Variants in RAB44 observed in about 807,000 individuals in gnomAD.
RAB44 encodes the protein ras-related protein Rab-44.
RAB44 carries 67 observed loss-of-function variants against 93.3 expected under a neutral mutation model. That is an observed-to-expected ratio of 0.72 (90% CI 0.59 to 0.88). RAB44 has a LOEUF of 0.88. Among genes scored for constraint, RAB44 ranks in the 40% least tolerant of loss-of-function variants. RAB44 has a pLI of 0.00. For synonymous variants in RAB44, 427 were observed against 520.3 expected, an observed-to-expected ratio of 0.82 and a Z score of 2.44; for missense variants, 1,064 against 1,261.7, an observed-to-expected ratio of 0.84 and a Z score of 2.37.
intron 2 of RAB44, among the ~76,000 whole-genome samples, chr6:36,711,009 G>C (rs996987141): frequency 6.6e-6 from 1 of 152,084 alleles, no homozygotes; most frequent in African/African-American, 2.4e-5. Flanking sequence ...AAAATAAGAA[G>C]TAAAAAATAT....
rs547526564 is a variant in RAB44, at chr6:36,715,671, T to C, written c.494+18T>C. The C allele has an allele frequency of 3.9e-5, 60 of 1,534,992 alleles. No homozygotes were observed. The African/African-American group carries it at 6.4e-4, about 16-fold the overall frequency. On this transcript the variant is annotated intron_variant, in intron 4 of 13. Coordinates refer to ENST00000612677, the MANE Select transcript of RAB44 (RefSeq NM_001257357.2). ...CTTCCCAAGTAAGGCCAGGGCGGCATGTGCATGGGGAGAGGCTCTGCCAGC... is the reference window on the plus strand; with the variant it reads ...CTTCCCAAGTAAGGCCAGGGCGGCACGTGCATGGGGAGAGGCTCTGCCAGC...
intron 6 of RAB44, 52 bp from the exon 7 acceptor site, chr6:36,718,441 T>C: frequency 1.0e-6 from 1 of 998,760 alleles, no homozygotes; most frequent in Non-Finnish European, 1.3e-6. Flanking sequence ...CTGGCCTGCC[T>C]GGCTAGCTCT....
intron 7 of RAB44, 135 bp from the exon 8 acceptor site, chr6:36,720,228 C>A (rs1397984897): frequency 1.5e-6 from 1 of 666,998 alleles, no homozygotes; most frequent in Non-Finnish European, 2.1e-6. Context: ...AACCGCCCAC[C>A]ACTACTCTGA....
intron 9 of RAB44, among the ~76,000 whole-genome samples, chr6:36,724,140 T>TTTA (rs1266579796): frequency 1.8e-5 from 1 of 55,426 alleles, no homozygotes; most frequent in African/African-American, 1.8e-4. Context: ...ATTATTTTAT[T>TTTA]TTATTTATTT....
chr6:36,704,526 G>C (rs1762595720), intron 2 of RAB44, 84 bp downstream of exon 2: 1 of 1,294,682 alleles, frequency 7.7e-7, no homozygotes. Flanking sequence ...GGAAGGCAGG[G>C]CTTGCTACCC....
chr6:36,726,867 C>A (rs373793633), intron 10 of RAB44, among the ~76,000 whole-genome samples: 5 of 149,208 alleles, frequency 3.4e-5, no homozygotes, highest in East Asian at 2.0e-4. Flanking sequence ...GTGGTGTGAT[C>A]TCAGCTCACT....
In RAB44 at chr6:36,728,933, C is replaced by G. The variant is rs990452180; in HGVS notation, c.2898+132C>G. ...GGCCCATTCCTGCCCCTGCCCCAAC[C>G]AAAGGCCTGTTCAGAGTGGACAGCA... is the stretch of plus-strand genomic sequence containing the variant. On this transcript the variant is annotated intron_variant, in intron 12 of 13. Transcript: ENST00000612677. 1.5e-5 allele frequency: 11 copies of G among 726,586 alleles called. No individual in the cohort carries two copies. In the African/African-American group the frequency reaches 1.9e-4, roughly 13 times the overall value. 45.0% of individuals were successfully genotyped at this position (726,586 alleles called of 1,614,324 possible).
chr6:36,712,516 C>T (rs978367107), intron 2 of RAB44, among the ~76,000 whole-genome samples: 1 of 152,168 alleles, frequency 6.6e-6, no homozygotes, highest in Non-Finnish European at 1.5e-5. Flanking sequence ...AGGCGCCCAC[C>T]ACAATGCCCG....
Position 36,717,426 on chromosome 6 carries a change from G to A in RAB44, c.641+7G>A, listed in dbSNP as rs542575300. The A allele has an allele frequency of 8.1e-7, 1 of 1,231,986 alleles. No homozygotes were observed. The highest frequency in any genetic ancestry group is 1.0e-6 in the Non-Finnish European group (1 of 987,940). 76.3% of individuals were successfully genotyped at this position (1,231,986 alleles called of 1,614,324 possible). On this transcript the variant is annotated splice_region_variant and intron_variant, in intron 5 of 13. Transcript: ENST00000612677. The surrounding 1 kb of genome is among the most constrained non-coding windows in gnomAD (Gnocchi z 4.1). ...TGGAGCTGACCCTGAGGAAGTGAGT[G>A]GGGGGCCTGGCCGGGTGTCTGATAC...
Position 36,721,902 on chromosome 6 carries a change from C to T in RAB44, c.1768C>T (p.Gln590Ter), listed in dbSNP as rs566132086. Residue 590 changes from glutamine (Q) to a stop codon, truncating the protein, a stop_gained, in exon 9 of 14, where the codon CAG (glutamine) becomes TAG (stop). Coordinates refer to ENST00000612677, the MANE Select transcript of RAB44 (RefSeq NM_001257357.2). LOFTEE classifies it high-confidence loss of function. The part of the protein sequence containing the change: ...AKPPRQRDAL[Q>*]QDLHATGSEP... Reference sequence around the variant, plus strand: ...GCCGCCCAGGCAGAGAGATGCCCTCCAGCAGGACCTGCATGCCACTGGCTC... The same window carrying T: ...GCCGCCCAGGCAGAGAGATGCCCTCTAGCAGGACCTGCATGCCACTGGCTC... 1.6e-6 allele frequency: 2 copies of T among 1,234,886 alleles called. No homozygotes were observed. Among genetic ancestry groups the T allele is most frequent in the Admixed American group, 4.2e-5 (1 of 23,718 alleles). 76.5% of individuals were successfully genotyped at this position (1,234,886 alleles called of 1,614,324 possible).
chr6:36,710,240 A>G (rs7774093), intron 2 of RAB44, among the ~76,000 whole-genome samples: 12,722 of 152,144 alleles, frequency 0.084, 1,439 homozygotes, highest in African/African-American at 0.26. Context: ...TCCCTAGTCT[A>G]CTTTCTGTCT....
In RAB44 at chr6:36,720,507, G is replaced by GC; in HGVS notation, c.975dup (p.Ala326ArgfsTer20). The GC allele has an allele frequency of 8.1e-7, 1 of 1,233,526 alleles. No homozygotes were observed. The highest frequency in any genetic ancestry group is 1.0e-6 in the Non-Finnish European group (1 of 988,226). The allele number at this position is 1,233,526 out of a possible 1,614,324, so 76.4% of individuals were successfully genotyped here. A position where few individuals can be genotyped will look rare whatever the true frequency, so the allele number is the denominator to read the frequency against. On this transcript the variant is annotated frameshift_variant, in exon 8 of 14. Coordinates refer to ENST00000612677, the MANE Select transcript of RAB44 (RefSeq NM_001257357.2). LOFTEE classifies it high-confidence loss of function. ...GCAGGTGACCAGGGGGCGCCTGGAC[G>GC]CCGCCAGGGGCCGGGTGTCCTGGCA...
chr6:36,717,411 C>A lies in RAB44; in HGVS notation c.633C>A (p.Thr211=). 1 of 1,232,196 alleles carries A rather than the reference C, an allele frequency of 8.1e-7. No individual in the cohort carries two copies. The allele number at this position is 1,232,196 out of a possible 1,614,324, so 76.3% of individuals were successfully genotyped here. ...AQADKEALEL[T]LRKRDSDHHR... Reference sequence around the variant, plus strand: ...CGGACAAGGAGGCCCTGGAGCTGACCCTGAGGAAGTGAGTGGGGGGCCTGG... The same window carrying A: ...CGGACAAGGAGGCCCTGGAGCTGACACTGAGGAAGTGAGTGGGGGGCCTGG... The change falls in exon 5 of 14, where the codon ACC becomes ACA. Residue 211 remains threonine, a synonymous_variant. Transcript: ENST00000612677. This position sits in a 1 kb window ranked among gnomAD's most constrained non-coding sequence, Gnocchi z 4.1.
rs531111829 is a variant in RAB44 at position 36,727,702 on chromosome 6, G to A, written c.2796+11G>A. 381 of 1,534,320 alleles carry A rather than the reference G, an allele frequency of 2.5e-4. No individual in the cohort carries two copies. Among genetic ancestry groups the A allele is most frequent in the Non-Finnish European group, 3.1e-4 (355 of 1,132,338 alleles). On this transcript the variant is annotated intron_variant, in intron 11 of 13. Transcript: ENST00000612677. ...CTAGACTGTCTCCAGGTGAGCAGAT[G>A]GCTGCTGGGGTTGGCCCCAGTCCCT...
intron 2 of RAB44, among the ~76,000 whole-genome samples, chr6:36,708,065 A>G (rs947815493): frequency 2.0e-5 from 3 of 152,134 alleles, no homozygotes; most frequent in Non-Finnish European, 4.4e-5. Flanking sequence ...TTAAAAAATT[A>G]GCCAGGTGTG....
At position 36,722,582 on chromosome 6, in the gene RAB44, C is replaced by T. The variant is rs1361600418; in HGVS notation, c.2448C>T (p.Ser816=). ...MDSREAGLTP[S]PGDPMAGGGP... is the part of the protein sequence containing the mutation. ...CCAGGGAAGCTGGGCTGACCCCATC[C>T]CCGGGAGACCCCATGGCTGGAGGGG... Residue 816 remains serine, a synonymous_variant, in exon 9 of 14, where the codon TCC becomes TCT. Coordinates refer to ENST00000612677, the MANE Select transcript of RAB44 (RefSeq NM_001257357.2). 6.5e-6 allele frequency: 10 copies of T among 1,550,286 alleles called. No homozygotes were observed. The highest frequency in any genetic ancestry group is 1.7e-4 in the Middle Eastern group (1 of 6,014).
At chr6:36,713,714 T>G (rs1582623441) in intron 2 of RAB44, 114 bp from the exon 3 acceptor site, 1 of 691,642 alleles carries the variant, frequency 1.4e-6, no homozygotes, top group African/African-American at 1.7e-5. Context: ...CTGGAGGGAC[T>G]CTGACATTGG....
intron 9 of RAB44, among the ~76,000 whole-genome samples, chr6:36,725,164 A>C (rs575366248): frequency 6.6e-6 from 1 of 151,822 alleles, no homozygotes; most frequent in African/African-American, 2.4e-5. Flanking sequence ...TCTCTGGGTC[A>C]CTTAAAACAG....
At position 36,721,516 on chromosome 6, in the gene RAB44, T is replaced by C. The variant is rs1763079146; in HGVS notation, c.1382T>C (p.Val461Ala). 1 of 1,234,394 alleles carries C rather than the reference T, an allele frequency of 8.1e-7. No homozygotes were observed. The highest frequency in any genetic ancestry group is 1.0e-6 in the Non-Finnish European group (1 of 988,330). 76.5% of individuals were successfully genotyped at this position (1,234,394 alleles called of 1,614,324 possible). ...CAGGACATTAGAGCAGAGCAGCCTG[T>C]TGAACCGCACGACCCGGACCCCAAC... ...HEQDIRAEQP[V>A]EPHDPDPNQE... The change falls in exon 9 of 14, where the codon GTT (valine) becomes GCT (alanine). Residue 461 changes from valine (V) to alanine (A), a missense_variant. By Grantham distance (64) the Val-to-Ala change is moderately conservative. Coordinates refer to ENST00000612677, the MANE Select transcript of RAB44 (RefSeq NM_001257357.2).
Sources: gnomAD v4.1 joint callset for allele counts (sites outside exome capture counted in the v4.1 genomes callset) on GRCh38, gnomAD v4.1.1 for gene constraint, Gnocchi (gnomAD v3.1) non-coding constraint, MANE v1.5 for transcripts, NCBI Gene and HGNC (gene_info 2026-07-23, HGNC 2026-07-21) for gene names.